Variants in NONO observed in about 807,000 individuals in gnomAD.
NONO encodes the protein non-POU domain-containing octamer-binding protein.
Under a neutral mutation model 40.2 loss-of-function variants are expected in NONO, and 6 were observed. The observed-to-expected ratio is 0.15, with a 90% confidence interval of 0.08 to 0.29. NONO has a LOEUF of 0.29. Among genes scored for constraint, NONO ranks in the 10% least tolerant of loss-of-function variants. NONO has a pLI of 1.00. For missense variants in NONO, 133 were observed against 397.8 expected, an observed-to-expected ratio of 0.33 and a Z score of 5.66; for synonymous variants, 89 against 123.3, an observed-to-expected ratio of 0.72 and a Z score of 1.85.
At chrX:71,296,204 G>A (rs2031448045) in intron 5 of NONO, among the ~76,000 whole-genome samples, 1 of 101,309 alleles carries the variant, frequency 9.9e-6, no homozygotes, top group African/African-American at 3.7e-5. Context: ...GTGGTGCAGT[G>A]GCACAATCTC....
Position 71,300,503 on chromosome X carries a change from G to A in NONO, c.*427G>A. 4.7e-6 allele frequency: 1 copy of A among 210,671 alleles called. No homozygotes were observed. Among genetic ancestry groups the A allele is most frequent in the Non-Finnish European group, 8.5e-6 (1 of 117,809 alleles). 17.4% of individuals were successfully genotyped at this position (210,671 alleles called of 1,213,427 possible). ...ATGATCTCGGCTCACTGCAATCTCT[G>A]CCTCCCGGGTTCAAGCTTGTCCAGG... On this transcript the variant is annotated 3_prime_UTR_variant, in exon 12 of 12. Coordinates refer to ENST00000276079, the MANE Select transcript of NONO (RefSeq NM_007363.5).
At chrX:71,286,516 A>G (rs2031192081) in intron 2 of NONO, among the ~76,000 whole-genome samples, 1 of 111,869 alleles carries the variant, frequency 8.9e-6, no homozygotes, top group South Asian at 3.7e-4. Flanking sequence ...TGAATTGAAA[A>G]ATTATCAGTA....
At chrX:71,297,484 T>G in intron 8 of NONO, 23 bp downstream of exon 8, 1 of 1,087,113 alleles carries the variant, frequency 9.2e-7, no homozygotes, top group Admixed American at 2.6e-5. Context: ...GAACACTTTT[T>G]CCCTAACAAC....
At chrX:71,291,226 A>G (rs1003558458) in intron 3 of NONO, among the ~76,000 whole-genome samples, 4 of 112,060 alleles carry the variant, frequency 3.6e-5, no homozygotes, top group African/African-American at 6.5e-5. Flanking sequence ...TTGAGTACCA[A>G]TTGTGTGCCT....
At chrX:71,295,045 G>A (rs1207082707) in intron 5 of NONO, among the ~76,000 whole-genome samples, 1 of 110,679 alleles carries the variant, frequency 9.0e-6, no homozygotes, top group East Asian at 2.8e-4. Context: ...CTGAAAGCCC[G>A]TCTCTACTAA....
At chrX:71,293,250 G>C in intron 4 of NONO, among the ~76,000 whole-genome samples, 1 of 111,553 alleles carries the variant, frequency 9.0e-6, no homozygotes, top group Non-Finnish European at 1.9e-5. Context: ...GTTCCAAAGA[G>C]GCTTCTTGGA....
intron 4 of NONO, among the ~76,000 whole-genome samples, chrX:71,293,279 T>C (rs1053725113): frequency 2.7e-5 from 3 of 111,781 alleles, no homozygotes; most frequent in African/African-American, 9.8e-5. Flanking sequence ...GTGATTCTGG[T>C]ACATACCTAG....
At chrX:71,292,536 A>G (rs2031349720) in intron 4 of NONO, 1 of 112,365 alleles carries the variant, frequency 8.9e-6, no homozygotes, top group Non-Finnish European at 1.9e-5. Flanking sequence ...TCAAACATAT[A>G]GAAGTAGACA....
intron 4 of NONO, among the ~76,000 whole-genome samples, chrX:71,293,782 C>G (rs976109237): frequency 2.7e-5 from 3 of 109,888 alleles, no homozygotes; most frequent in African/African-American, 3.3e-5. Context: ...CCAGTGCGTG[C>G]CACTGCGCCT....
In NONO at chrX:71,301,151, A is replaced by C. The variant is rs755961169; in HGVS notation, c.*1075A>C. 2.2e-5 allele frequency: 3 copies of C among 135,479 alleles called. No individual in the cohort carries two copies. The South Asian group carries it at 1.1e-3, about 48-fold the overall frequency. The allele number at this position is 135,479 out of a possible 1,213,427, so 11.2% of individuals were successfully genotyped here. A position where few individuals can be genotyped will look rare whatever the true frequency, so the allele number is the denominator to read the frequency against. ...TAATGCAGCATCAACCTATTAAAAT[A>C]CATTTTAAGCCTTTTAATTTTCTGT... On this transcript the variant is annotated 3_prime_UTR_variant, in exon 12 of 12. Transcript: ENST00000276079.
At position 71,298,798 on chromosome X, in the gene NONO, G is replaced by A. The variant is rs141184952; in HGVS notation, c.1263G>A (p.Pro421=). 1.7e-5 allele frequency: 21 copies of A among 1,205,401 alleles called. 1 individual carries two copies. The highest frequency in any genetic ancestry group is 1.2e-4 in the South Asian group (7 of 56,514). ...CTCCAGGACCTGCCACTATGATGCC[G>A]GATGGAACTTTGGGATTGGTAATAA... The part of the protein sequence containing the change: ...PAPPGPATMM[P]DGTLGLTPPT... The change falls in exon 11 of 12, where the codon CCG becomes CCA. Residue 421 remains proline (P), a synonymous_variant. Coordinates refer to ENST00000276079, the MANE Select transcript of NONO (RefSeq NM_007363.5).
chrX:71,290,487 A>T (rs780964285), intron 2 of NONO, 142 bp from the exon 3 acceptor site: 1 of 452,760 alleles, frequency 2.2e-6, no homozygotes, highest in East Asian at 3.9e-5. Context: ...CTTCTTTGTC[A>T]TGGTTGTTCA....
At chrX:71,299,885 G>T in intron 11 of NONO, 57 bp from the exon 12 acceptor site, 1 of 1,193,761 alleles carries the variant, frequency 8.4e-7, no homozygotes. Context: ...ACTACAGATG[G>T]GTGGGAAGCT....
chrX:71,297,138 T>C (rs2031470408), intron 7 of NONO, 91 bp downstream of exon 7: 2 of 834,595 alleles, frequency 2.4e-6, no homozygotes, highest in Non-Finnish European at 3.3e-6. Flanking sequence ...AGGGCCTACA[T>C]CTCTGCTTTT....
At chrX:71,298,242 T>G in intron 9 of NONO, 2 of 446,548 alleles carry the variant, frequency 4.5e-6, no homozygotes, top group Admixed American at 7.9e-5. Flanking sequence ...AAGCAATCTC[T>G]TCCCCCTTTC....
rs1295907047 is a variant in NONO at position 71,284,470 on chromosome X, G to A, written c.-10+17G>A. 1 of 111,802 alleles carries A rather than the reference G, an allele frequency of 8.9e-6. No individual in the cohort carries two copies. The highest frequency in any genetic ancestry group is 1.9e-5 in the Non-Finnish European group (1 of 53,160). The allele number at this position is 111,802 out of a possible 1,213,427, so 9.2% of individuals were successfully genotyped here. ...GAAGTTGAGGTAGGTGTAAGGAAGG[G>A]ATAGGGTTGCCAGACAAAACACCGG... On this transcript the variant is annotated intron_variant, in intron 2 of 11. Coordinates refer to ENST00000276079, the MANE Select transcript of NONO (RefSeq NM_007363.5).
intron 11 of NONO, 110 bp downstream of exon 11, chrX:71,298,926 CTT>C (rs908514265): frequency 2.3e-4 from 96 of 422,050 alleles, no homozygotes; most frequent in Non-Finnish European, 2.9e-4. Flanking sequence ...AGATAGCAGT[CTT>C]TTTTTTTTTG....
chrX:71,290,623 T>C lies in NONO; in HGVS notation c.-9-6T>C. 8.3e-7 allele frequency: 1 copy of C among 1,203,220 alleles called. No homozygotes were observed. Among genetic ancestry groups the C allele is most frequent in the Non-Finnish European group, 1.1e-6 (1 of 889,533 alleles). On this transcript the variant is annotated splice_region_variant and splice_polypyrimidine_tract_variant and intron_variant, in intron 2 of 11. Transcript: ENST00000276079. ...ATTTATTTATTAGTCTACTTTTTCT[T>C]TGTAGGGTGCAAAAATGCAGAGTAA...
At chrX:71,289,180 G>A (rs999334296) in intron 2 of NONO, among the ~76,000 whole-genome samples, 22 of 111,969 alleles carry the variant, frequency 2.0e-4, no homozygotes, top group Non-Finnish European at 3.6e-4. Context: ...TTCCTTAAGC[G>A]ATTCTAGTGC....
Sources: gnomAD v4.1 joint callset for allele counts (sites outside exome capture counted in the v4.1 genomes callset) on GRCh38, gnomAD v4.1.1 for gene constraint, MANE v1.5 for transcripts, NCBI Gene and HGNC (gene_info 2026-07-23, HGNC 2026-07-21) for gene names.